STX5: variants seen among roughly 807,000 people sequenced by gnomAD.
STX5 encodes the protein syntaxin-5.
Under a neutral mutation model 42.9 loss-of-function variants are expected in STX5, and 15 were observed. The observed-to-expected ratio is 0.35, with a 90% confidence interval of 0.23 to 0.54. The LOEUF is 0.54. STX5 is among the 20% of genes least tolerant of loss of function. The pLI is 0.91. For missense variants in STX5, 430 were observed against 455.0 expected (o/e 0.95, Z 0.50); for synonymous variants, 184 against 173.2 (o/e 1.06, Z -0.49).
intron 10 of STX5, among the ~76,000 whole-genome samples, chr11:62,823,180 C>CTT (rs71458442): frequency 2.7e-5 from 4 of 146,382 alleles, no homozygotes; most frequent in Admixed American, 6.8e-5. Context: ...TAGTCACTTT[C>CTT]TTTTTTTTTT....
At chr11:62,811,814 T>C (rs2084620031) in intron 10 of STX5, among the ~76,000 whole-genome samples, 1 of 151,842 alleles carries the variant, frequency 6.6e-6, no homozygotes, top group Non-Finnish European at 1.5e-5. Context: ...TGCCCTATCA[T>C]ACTGAGCTGT....
intron 2 of STX5, chr11:62,830,417 C>T: frequency 2.5e-6 from 1 of 402,384 alleles, no homozygotes; most frequent in Non-Finnish European, 4.9e-6. Context: ...CTGAGTGGTG[C>T]ATCCATGTAG....
intron 2 of STX5, among the ~76,000 whole-genome samples, chr11:62,828,171 G>C (rs1441634220): frequency 6.6e-6 from 1 of 151,826 alleles, no homozygotes; most frequent in African/African-American, 2.4e-5. Flanking sequence ...TTGGAATATA[G>C]TAGCATGATC....
intron 10 of STX5, among the ~76,000 whole-genome samples, chr11:62,810,906 G>A (rs2084610255): frequency 6.6e-6 from 1 of 152,132 alleles, no homozygotes; most frequent in African/African-American, 2.4e-5. Context: ...TTGCTACTGA[G>A]CCATTCCACT....
intron 10 of STX5, chr11:62,807,958 G>A: frequency 3.8e-6 from 1 of 264,608 alleles, no homozygotes; most frequent in South Asian, 7.6e-5. Context: ...ACCCACAAGA[G>A]CCCCGAAAAT....
chr11:62,813,482 C>A (rs779138416), intron 10 of STX5, among the ~76,000 whole-genome samples: 6 of 152,220 alleles, frequency 3.9e-5, no homozygotes, highest in Non-Finnish European at 7.4e-5. Context: ...CCACTCCATT[C>A]ACATCTCTCG....
At chr11:62,830,887 T>TA (rs2084849482) in intron 2 of STX5, 132 bp downstream of exon 2, 1 of 877,118 alleles carries the variant, frequency 1.1e-6, no homozygotes, top group Non-Finnish European at 1.9e-6. Flanking sequence ...TAGCAGACCC[T>TA]ACAGGCCCCA....
At chr11:62,814,316 C>T (rs969876736) in intron 10 of STX5, among the ~76,000 whole-genome samples, 1 of 152,124 alleles carries the variant, frequency 6.6e-6, no homozygotes, top group Non-Finnish European at 1.5e-5. Context: ...CAGGCATGCA[C>T]CACCACGCCC....
Position 62,825,037 on chromosome 11 carries a change from C to T in STX5, c.678G>A (p.Leu226=). The change falls in exon 8 of 11, where the codon CTG becomes CTA. Residue 226 remains leucine (L), a splice_region_variant and synonymous_variant. Transcript: ENST00000294179. ...VSALPLAPNH[L]GGGAVVLGAE... ...CTCCCCGTTTTACCTGTGACTTACC[C>T]AGGTGGTTAGGGGCAAGGGGCAGGG... is the stretch of plus-strand genomic sequence containing the variant. 3.1e-6 allele frequency: 5 copies of T among 1,613,896 alleles called. No individual in the cohort carries two copies. The highest frequency in any genetic ancestry group is 4.2e-6 in the Non-Finnish European group (5 of 1,180,002).
At chr11:62,827,085 A>C in intron 5 of STX5, 70 bp downstream of exon 5, 2 of 1,477,054 alleles carry the variant, frequency 1.4e-6, no homozygotes. Context: ...CCCCATGGCA[A>C]TGGAAAATGA....
At chr11:62,814,172 T>G (rs1053619577) in intron 10 of STX5, among the ~76,000 whole-genome samples, 4 of 152,132 alleles carry the variant, frequency 2.6e-5, no homozygotes, top group Non-Finnish European at 5.9e-5. Flanking sequence ...AAGAATTTAA[T>G]TAATTTACTT....
chr11:62,812,048 T>C (rs2084622257), intron 10 of STX5, among the ~76,000 whole-genome samples: 1 of 151,490 alleles, frequency 6.6e-6, no homozygotes, highest in Non-Finnish European at 1.5e-5. Flanking sequence ...TAGATGTATA[T>C]GGATTGAGGA....
At chr11:62,823,967 G>A (rs1016608443) in intron 10 of STX5, 199 bp downstream of exon 10, 5 of 732,662 alleles carry the variant, frequency 6.8e-6, no homozygotes, top group South Asian at 3.6e-5. Context: ...TGTATCTCCC[G>A]CACCTGGAAC....
At chr11:62,817,750 G>A (rs1269357841) in intron 10 of STX5, among the ~76,000 whole-genome samples, 2 of 152,008 alleles carry the variant, frequency 1.3e-5, no homozygotes, top group Non-Finnish European at 2.9e-5. Flanking sequence ...AAAGAACCAA[G>A]TGTAAATTTG....
In STX5 at chr11:62,829,163, G is replaced by A. The variant is rs373669526; in HGVS notation, c.226-1532C>T. Among the ~76,000 whole-genome samples the A allele has an allele frequency of 2.8e-4, 43 of 152,216 alleles. No homozygotes were observed. The East Asian group carries it at 2.9e-3, about 10-fold the overall frequency. The stretch of plus-strand genomic sequence containing the variant: ...CTCCCGGCTGGGTACGGTGGCTCAC[G>A]CTTGCAATCCCAGCACTTTGGAAGG... On this transcript the variant is annotated intron_variant, in intron 2 of 10. Coordinates refer to ENST00000294179, the MANE Select transcript of STX5 (RefSeq NM_003164.5).
At chr11:62,810,117 A>AG (rs1276442251) in intron 10 of STX5, among the ~76,000 whole-genome samples, 28 of 151,386 alleles carry the variant, frequency 1.8e-4, no homozygotes, top group Non-Finnish European at 3.2e-4. Flanking sequence ...AAAAAAAAAA[A>AG]AAAAGAAAGA....
At chr11:62,828,746 T>C (rs9666618) in intron 2 of STX5, among the ~76,000 whole-genome samples, 7,711 of 147,176 alleles carry the variant, frequency 0.052, 285 homozygotes, top group Middle Eastern at 0.13. Context: ...AATAAATAAA[T>C]AAACAAACAA....
Position 62,825,183 on chromosome 11 carries a change from C to T in STX5, c.598-66G>A, listed in dbSNP as rs184818070. 58 of 1,611,132 alleles carry T rather than the reference C, an allele frequency of 3.6e-5. No individual in the cohort carries two copies. In the Admixed American group the frequency reaches 7.2e-4, roughly 20 times the overall value. ...AAAGCAGGCATGTTAAAGAGACTCC[C>T]ACCATTGGCCCCATGACCCTGTAGA... On this transcript the variant is annotated intron_variant, in intron 7 of 10. Transcript: ENST00000294179.
In STX5 at chr11:62,807,511, G is replaced by A. The variant is rs774057211; in HGVS notation, c.1026C>T (p.Ile342=). 6.2e-7 allele frequency: 1 copy of A among 1,614,106 alleles called. No homozygotes were observed. Among genetic ancestry groups the A allele is most frequent in the South Asian group, 1.1e-5 (1 of 91,082 alleles). The part of the protein sequence containing the change: ...NRWLMVKIFL[I]LIVFFIIFVV... ...CAAAGATGATGAAGAAGACAATGAG[G>A]ATGAGGAAGATTTTGACCATGAGCC... The change falls in exon 11 of 11, where the codon ATC becomes ATT. Residue 342 remains isoleucine, a synonymous_variant. Transcript: ENST00000294179.
Sources: allele counts gnomAD v4.1 joint callset (sites outside exome capture counted in the v4.1 genomes callset), GRCh38; gene constraint gnomAD v4.1.1; transcripts MANE v1.5; gene names NCBI Gene and HGNC (gene_info 2026-07-23, HGNC 2026-07-21).